The following MAGI2 variants were observed in gnomAD, a reference collection of about 807,000 sequenced individuals.
MAGI2 encodes the protein membrane associated guanylate kinase, WW and PDZ domain containing 2, also known as membrane-associated guanylate kinase, WW and PDZ domain-containing protein 2.
MAGI2 carries 35 observed loss-of-function variants against 133.3 expected under a neutral mutation model. The observed-to-expected ratio is 0.26, with a 90% confidence interval of 0.20 to 0.35. MAGI2 has a LOEUF of 0.35. MAGI2 is among the 10% of genes least tolerant of loss of function. The pLI is 1.00. For synonymous variants in MAGI2, 729 were observed against 710.6 expected, an observed-to-expected ratio of 1.03 and a Z score of -0.41; for missense variants, 1,636 against 1,863.4, an observed-to-expected ratio of 0.88 and a Z score of 2.25.
Position 78,256,040 on chromosome 7 carries a change from G to C in MAGI2, c.1950C>G (p.Asn650Lys), listed in dbSNP as rs1412936839. 1.9e-6 allele frequency: 3 copies of C among 1,613,580 alleles called. No homozygotes were observed. The highest frequency in any genetic ancestry group is 1.7e-6 in the Non-Finnish European group (2 of 1,179,856). ...GGCTCAGGTTCTGTACATTCTGCTG[G>C]TTGATCTCAACAATGAGGTCGCCTT... Reference protein sequence around the residue: ...LCEGDLIVEINQQNVQNLSHT... With the variant: ...LCEGDLIVEIKQQNVQNLSHT... Residue 650 changes from asparagine to lysine, a missense_variant, in exon 10 of 22, where the codon AAC becomes AAG. Around this residue, in one of 5 missense-constraint regions of MAGI2, gnomAD observed 920 missense variants for 1,093.5 expected, o/e 0.84. Coordinates refer to ENST00000354212, the MANE Select transcript of MAGI2 (RefSeq NM_012301.4).
At chr7:78,724,565 T>C (rs323130) in intron 2 of MAGI2, among the ~76,000 whole-genome samples, 55,421 of 151,976 alleles carry the variant, frequency 0.36, 10,797 homozygotes, top group East Asian at 0.55. Context: ...CTTATTTAGT[T>C]TGTGGAGTTC....
chr7:79,249,748 A>G (rs541582694), intron 1 of MAGI2, among the ~76,000 whole-genome samples: 1 of 152,178 alleles, frequency 6.6e-6, no homozygotes, highest in African/African-American at 2.4e-5. Flanking sequence ...AATCCTATTC[A>G]AACTATCCTG....
At chr7:78,442,243 G>C (rs1033958811) in intron 6 of MAGI2, among the ~76,000 whole-genome samples, 1 of 152,168 alleles carries the variant, frequency 6.6e-6, no homozygotes, top group African/African-American at 2.4e-5. Flanking sequence ...TTGTGTTAGA[G>C]TTATTGTGCA....
At chr7:78,346,180 C>T (rs1790886725) in intron 7 of MAGI2, 137 bp from the exon 8 acceptor site, 1 of 930,676 alleles carries the variant, frequency 1.1e-6, no homozygotes, top group Admixed American at 2.4e-5. Flanking sequence ...AGCACGCGGT[C>T]AGGCTCCTGA....
intron 7 of MAGI2, among the ~76,000 whole-genome samples, chr7:78,349,936 AAGT>A (rs1292371559): frequency 6.6e-6 from 1 of 152,224 alleles, no homozygotes. Flanking sequence ...TCTGTGAGGT[AAGT>A]ACTAGCTATT....
At chr7:78,350,616 T>C (rs1439170175) in intron 7 of MAGI2, 1 of 152,244 alleles carries the variant, frequency 6.6e-6, no homozygotes, top group African/African-American at 2.4e-5. Context: ...GAAGAGGACT[T>C]CTGCCCTCAG....
intron 9 of MAGI2, among the ~76,000 whole-genome samples, chr7:78,320,403 A>G (rs1046763020): frequency 3.9e-5 from 6 of 152,210 alleles, no homozygotes; most frequent in African/African-American, 1.4e-4. Context: ...ATCCAGCAGC[A>G]CATCAAAAAG....
chr7:79,185,516 A>ATTTTTT (rs71095383), intron 1 of MAGI2, among the ~76,000 whole-genome samples: 1 of 126,612 alleles, frequency 7.9e-6, no homozygotes, highest in Non-Finnish European at 1.7e-5. Context: ...CAATTTGGTC[A>ATTTTTT]TTTTTTTTTT....
At chr7:78,233,578 T>C (rs1366301539) in intron 10 of MAGI2, among the ~76,000 whole-genome samples, 1 of 152,110 alleles carries the variant, frequency 6.6e-6, no homozygotes, top group African/African-American at 2.4e-5. Flanking sequence ...GGATAATCTT[T>C]CAAGAAATTT....
At chr7:78,558,841 T>A (rs980482846) in intron 3 of MAGI2, among the ~76,000 whole-genome samples, 4 of 149,000 alleles carry the variant, frequency 2.7e-5, no homozygotes, top group Admixed American at 6.7e-5. Context: ...GACACCGTTT[T>A]TTTTTTTTTT....
Position 78,019,222 on chromosome 7 carries a change from G to GTGTGAC in MAGI2, c.*87_*92dup. The GTGTGAC allele has an allele frequency of 7.1e-7, 1 of 1,408,528 alleles. No homozygotes were observed. The highest frequency in any genetic ancestry group is 9.6e-7 in the Non-Finnish European group (1 of 1,040,296). The allele number at this position is 1,408,528 out of a possible 1,614,324, so 87.3% of individuals were successfully genotyped here. ...GCCTTGGTGCCTCGTGGATCTATGCGTGTGACAGTGAAAATAAATTAAAAC... is the reference window on the plus strand; with the variant it reads ...GCCTTGGTGCCTCGTGGATCTATGCGTGTGACTGTGACAGTGAAAATAAATTAAAAC... On this transcript the variant is annotated 3_prime_UTR_variant, in exon 22 of 22. Transcript: ENST00000354212.
At chr7:78,479,031 T>C (rs1792083701) in intron 6 of MAGI2, among the ~76,000 whole-genome samples, 1 of 151,938 alleles carries the variant, frequency 6.6e-6, no homozygotes. Context: ...ACACATCTTG[T>C]GTCCATAGTG....
chr7:78,058,395 G>A (rs113036060), intron 21 of MAGI2, among the ~76,000 whole-genome samples: 127 of 151,956 alleles, frequency 8.4e-4, no homozygotes, highest in African/African-American at 2.9e-3. Flanking sequence ...CTGCTCTTTC[G>A]GTTTTAACTG....
At chr7:78,322,588 C>T (rs1346885310) in intron 9 of MAGI2, among the ~76,000 whole-genome samples, 2 of 151,980 alleles carry the variant, frequency 1.3e-5, no homozygotes, top group Non-Finnish European at 2.9e-5. Context: ...GGGAGGAGAA[C>T]ATCACACACT....
chr7:78,899,401 T>C (rs1797441278), intron 2 of MAGI2, among the ~76,000 whole-genome samples: 1 of 152,168 alleles, frequency 6.6e-6, no homozygotes, highest in African/African-American at 2.4e-5. Flanking sequence ...ACCGACAGGA[T>C]CCCAACCTTG....
At chr7:79,266,109 C>A (rs897513121) in intron 1 of MAGI2, among the ~76,000 whole-genome samples, 3 of 152,104 alleles carry the variant, frequency 2.0e-5, no homozygotes, top group African/African-American at 7.2e-5. Context: ...ATCTCCAGAG[C>A]TGGAGGATGG....
At position 78,560,225 on chromosome 7, in the gene MAGI2, G is replaced by C. The variant is rs575759564; in HGVS notation, c.539-38580C>G. Among the ~76,000 whole-genome samples the C allele has an allele frequency of 1.6e-4, 24 of 152,322 alleles. No homozygotes were observed. In the South Asian group the frequency reaches 4.6e-3, roughly 29 times the overall value. On this transcript the variant is annotated intron_variant, in intron 3 of 21. Transcript: ENST00000354212. The stretch of plus-strand genomic sequence containing the variant: ...ATATTAAAATCAGCAAACAGATTTA[G>C]ATGGGGTTAGGACTATACATTCATT...
At chr7:78,246,665 C>T (rs1791823268) in intron 10 of MAGI2, among the ~76,000 whole-genome samples, 1 of 152,112 alleles carries the variant, frequency 6.6e-6, no homozygotes, top group African/African-American at 2.4e-5. Flanking sequence ...TGCACCTGAC[C>T]AAGTCTGGGA....
chr7:79,366,098 G>T (rs1489428118), intron 1 of MAGI2, among the ~76,000 whole-genome samples: 4 of 151,094 alleles, frequency 2.6e-5, no homozygotes, highest in Non-Finnish European at 4.4e-5. Context: ...AATTAGCTGG[G>T]CATGGTGGTG....
Sources: gnomAD v4.1 joint callset for allele counts (sites outside exome capture counted in the v4.1 genomes callset) on GRCh38, gnomAD v4.1.1 for gene constraint, gnomAD v4.1.1 regional missense constraint, MANE v1.5 for transcripts, NCBI Gene and HGNC (gene_info 2026-07-23, HGNC 2026-07-21) for gene names.